Variants in COX7B2 observed in about 807,000 individuals in gnomAD.
COX7B2 encodes the protein cytochrome c oxidase subunit 7B2, also known as cytochrome c oxidase subunit 7B2, mitochondrial.
For missense variants in COX7B2, 109 were observed against 95.9 expected, an observed-to-expected ratio of 1.14 and a Z score of -0.57; for synonymous variants, 37 against 32.1, an observed-to-expected ratio of 1.15 and a Z score of -0.51.
intron 1 of COX7B2, among the ~76,000 whole-genome samples, chr4:46,903,275 A>G (rs1426268505): frequency 6.6e-6 from 1 of 152,198 alleles, no homozygotes; most frequent in Non-Finnish European, 1.5e-5. Context: ...ATAAAACATC[A>G]TGATGAATTT....
chr4:46,739,338 C>T (rs1318192836), intron 2 of COX7B2, among the ~76,000 whole-genome samples: 2 of 151,796 alleles, frequency 1.3e-5, no homozygotes, highest in East Asian at 1.9e-4. Context: ...ACAAACCAAA[C>T]CAAACCAAAA....
chr4:46,843,612 G>T (rs969601882), intron 2 of COX7B2, among the ~76,000 whole-genome samples: 1 of 151,924 alleles, frequency 6.6e-6, no homozygotes, highest in Non-Finnish European at 1.5e-5. Context: ...AGAATCAAAG[G>T]AGAGAGGAAC....
At chr4:46,798,688 C>T (rs1384470168) in intron 2 of COX7B2, among the ~76,000 whole-genome samples, 1 of 152,132 alleles carries the variant, frequency 6.6e-6, no homozygotes, top group Non-Finnish European at 1.5e-5. Flanking sequence ...TCCCATGCGA[C>T]CTGAGTTGCC....
chr4:46,890,804 T>C (rs1719386663), intron 1 of COX7B2, among the ~76,000 whole-genome samples: 1 of 152,060 alleles, frequency 6.6e-6, no homozygotes, highest in African/African-American at 2.4e-5. Flanking sequence ...GCTAATGGAG[T>C]GCTTTGGGAA....
chr4:46,835,477 C>T (rs866502918), intron 2 of COX7B2, among the ~76,000 whole-genome samples: 1 of 151,690 alleles, frequency 6.6e-6, no homozygotes, highest in Non-Finnish European at 1.5e-5. Flanking sequence ...GCAGACTGTT[C>T]GAGAATCATG....
intron 1 of COX7B2, among the ~76,000 whole-genome samples, chr4:46,904,614 A>G (rs935027566): frequency 6.6e-6 from 1 of 152,222 alleles, no homozygotes; most frequent in Non-Finnish European, 1.5e-5. Context: ...CAACATATAC[A>G]GGGAGAAATT....
At chr4:46,815,448 T>C (rs906081601) in intron 2 of COX7B2, among the ~76,000 whole-genome samples, 3 of 152,152 alleles carry the variant, frequency 2.0e-5, no homozygotes, top group African/African-American at 7.2e-5. Context: ...TAATAAAACC[T>C]TTTTCTTTTT....
chr4:46,878,368 A>G (rs543082032), intron 1 of COX7B2, among the ~76,000 whole-genome samples: 61 of 152,046 alleles, frequency 4.0e-4, no homozygotes, highest in African/African-American at 1.4e-3. Context: ...ATGTATACTA[A>G]AAGTTTTCTA....
chr4:46,798,034 C>A (rs1304537173), intron 2 of COX7B2, among the ~76,000 whole-genome samples: 1 of 152,204 alleles, frequency 6.6e-6, no homozygotes, highest in African/African-American at 2.4e-5. Context: ...CACAAGCTTT[C>A]ATGCTTGTCT....
intron 1 of COX7B2, among the ~76,000 whole-genome samples, chr4:46,884,332 C>T (rs564099649): frequency 1.3e-5 from 2 of 152,282 alleles, no homozygotes; most frequent in East Asian, 1.9e-4. Flanking sequence ...GCTGAGATTA[C>T]ATGCATGAGC....
At chr4:46,896,129 G>C (rs1719741270) in intron 1 of COX7B2, among the ~76,000 whole-genome samples, 4 of 152,078 alleles carry the variant, frequency 2.6e-5, no homozygotes. Context: ...TTATATAGCT[G>C]ACTAAAAATA....
At chr4:46,785,813 C>A (rs1717727181) in intron 2 of COX7B2, among the ~76,000 whole-genome samples, 1 of 152,040 alleles carries the variant, frequency 6.6e-6, no homozygotes, top group South Asian at 2.1e-4. Context: ...TACTATACAG[C>A]AACCCTGCCT....
At chr4:46,800,488 T>C (rs904133382) in intron 2 of COX7B2, among the ~76,000 whole-genome samples, 4 of 151,774 alleles carry the variant, frequency 2.6e-5, no homozygotes, top group African/African-American at 9.7e-5. Flanking sequence ...AAATCATCAA[T>C]AAAAAACAAT....
At chr4:46,763,051 A>AT (rs1716296805) in intron 2 of COX7B2, among the ~76,000 whole-genome samples, 1 of 116,772 alleles carries the variant, frequency 8.6e-6, no homozygotes, top group African/African-American at 3.4e-5. Context: ...TATATATTAT[A>AT]ATATGTAATA....
intron 2 of COX7B2, among the ~76,000 whole-genome samples, chr4:46,839,822 G>T (rs1184246880): frequency 6.6e-6 from 1 of 152,016 alleles, no homozygotes; most frequent in Non-Finnish European, 1.5e-5. Context: ...TTATATCTTA[G>T]TGTCTAAGGT....
chr4:46,820,343 G>A (rs1011542511), intron 2 of COX7B2, among the ~76,000 whole-genome samples: 1 of 152,076 alleles, frequency 6.6e-6, no homozygotes, highest in Non-Finnish European at 1.5e-5. Context: ...GATCTGACGG[G>A]AGGTGGAACT....
At chr4:46,743,717 G>C (rs1482235973) in intron 2 of COX7B2, among the ~76,000 whole-genome samples, 1 of 152,168 alleles carries the variant, frequency 6.6e-6, no homozygotes, top group Non-Finnish European at 1.5e-5. Context: ...TTCTTTGAGA[G>C]GGATGGCATG....
At chr4:46,786,202 T>C (rs1717745269) in intron 2 of COX7B2, among the ~76,000 whole-genome samples, 1 of 152,206 alleles carries the variant, frequency 6.6e-6, no homozygotes, top group African/African-American at 2.4e-5. Flanking sequence ...TTGGAAAGTA[T>C]CTTGCCATTC....
At chr4:46,759,356 A>G (rs575640295) in intron 2 of COX7B2, among the ~76,000 whole-genome samples, 13 of 152,172 alleles carry the variant, frequency 8.5e-5, no homozygotes, top group African/African-American at 3.1e-4. Context: ...AAATATTTAT[A>G]TGAACAAGAA....
Sources: gnomAD v4.1 joint callset for allele counts (sites outside exome capture counted in the v4.1 genomes callset) on GRCh38, gnomAD v4.1.1 for gene constraint, MANE v1.5 for transcripts, NCBI Gene and HGNC (gene_info 2026-07-23, HGNC 2026-07-21) for gene names.